CST8: variants seen among roughly 807,000 people sequenced by gnomAD.
The protein encoded by CST8 is cystatin 8.
Under a neutral mutation model 11.8 loss-of-function variants are expected in CST8, and 20 were observed. The ratio of observed to expected loss-of-function variants is 1.70; its 90% CI spans 1.20 to 2.47. CST8 has a LOEUF of 2.47. Among genes scored for constraint, CST8 ranks in the 30% most tolerant of loss-of-function variants. The pLI, the probability that CST8 is intolerant of heterozygous loss-of-function variation, is 0.00. For synonymous variants in CST8, 77 were observed against 63.1 expected, an observed-to-expected ratio of 1.22 and a Z score of -1.05; for missense variants, 196 against 167.2, an observed-to-expected ratio of 1.17 and a Z score of -0.95.
rs1600293368 is a variant in CST8, at chr20:23,491,345, A to G, written c.-144+3A>G. On this transcript the variant is annotated splice_donor_region_variant and intron_variant, in intron 1 of 3. Transcript: ENST00000246012. ...TAACAAGAGTGACGCTCACAGGGGT[A>G]GGCATAGACACACTGGGGCCGAAGG... The G allele has an allele frequency of 8.5e-6, 3 of 351,566 alleles. No individual in the cohort carries two copies. In the East Asian group the frequency reaches 1.8e-4, roughly 21 times the overall value. The allele number at this position is 351,566 out of a possible 1,614,324, so 21.8% of individuals were successfully genotyped here. A position where few individuals can be genotyped will look rare whatever the true frequency, so the allele number is the denominator to read the frequency against.
chr20:23,494,255 T>G (rs1440642081), intron 3 of CST8, among the ~76,000 whole-genome samples: 1 of 152,234 alleles, frequency 6.6e-6, no homozygotes, highest in Non-Finnish European at 1.5e-5. Context: ...TTTTAGGGAT[T>G]GTAGAAAAGT....
At chr20:23,493,707 C>T (rs1272289919) in intron 3 of CST8, among the ~76,000 whole-genome samples, 3 of 152,156 alleles carry the variant, frequency 2.0e-5, no homozygotes, top group Non-Finnish European at 2.9e-5. Flanking sequence ...TTTTTTATCT[C>T]AGAGCAGCTC....
the CST8 span, among the ~76,000 whole-genome samples, chr20:23,503,490 T>G: frequency 1.3e-5 from 2 of 152,170 alleles, no homozygotes. Context: ...TAAAGAATTA[T>G]GTCTCAACAA....
At chr20:23,491,937 G>C (rs749442857) in intron 2 of CST8, 39 bp downstream of exon 2, 3 of 1,517,848 alleles carry the variant, frequency 2.0e-6, no homozygotes, top group Admixed American at 1.7e-5. Context: ...ATTTGCATAT[G>C]GTGGCACAGT....
the CST8 span, among the ~76,000 whole-genome samples, chr20:23,502,606 T>C: frequency 1.3e-3 from 204 of 152,338 alleles, 1 homozygote; most frequent in African/African-American, 4.6e-3. Flanking sequence ...CTGTCATCTA[T>C]AACCAGGTGG....
At chr20:23,498,749 G>T (rs985323198), downstream of CST8, among the ~76,000 whole-genome samples, 3 of 152,198 alleles carry the variant, frequency 2.0e-5, no homozygotes, top group Non-Finnish European at 4.4e-5. Flanking sequence ...AAAGGAACCA[G>T]GATTGGAATG....
intron 3 of CST8, 104 bp from the exon 4 acceptor site, chr20:23,495,727 G>A (rs1053035436): frequency 1.2e-6 from 1 of 844,268 alleles, no homozygotes; most frequent in South Asian, 1.5e-5. Flanking sequence ...CCATCTGTCA[G>A]CACACACCTA....
chr20:23,500,263 A>C (rs1988150752), downstream of CST8, among the ~76,000 whole-genome samples: 1 of 152,164 alleles, frequency 6.6e-6, no homozygotes. Flanking sequence ...AACTATATCA[A>C]GATGCAAGGT....
In CST8 at chr20:23,491,757, G is replaced by A. The variant is rs1369114842; in HGVS notation, c.90G>A (p.Gly30=). The part of the protein sequence containing the change: ...ARKDPKKNET[G]VLRKLKPVNA... ...AAGACCCAAAAAAGAATGAGACAGG[G>A]GTGCTGAGGAAATTAAAACCCGTCA... Residue 30 remains glycine (G), a synonymous_variant, in exon 2 of 4, where the codon GGG becomes GGA. Transcript: ENST00000246012. The A allele has an allele frequency of 6.2e-7, 1 of 1,614,028 alleles. No homozygotes were observed. Among genetic ancestry groups the A allele is most frequent in the African/African-American group, 1.3e-5 (1 of 75,024 alleles).
At position 23,491,799 on chromosome 20, in the gene CST8, CG is replaced by C. The variant is rs1193738542; in HGVS notation, c.133del (p.Val45Ter). On this transcript the variant is annotated frameshift_variant, in exon 2 of 4. Transcript: ENST00000246012. LOFTEE classifies it high-confidence loss of function. The stretch of plus-strand genomic sequence containing the variant: ...AACCCGTCAATGCCTCAAATGCCAA[CG>C]TGAAGCAGTGTCTGTGGTTTGCCAT... ...LKPVNASNAN[V>X]KQCLWFAMQE... The C allele has an allele frequency of 6.2e-7, 1 of 1,613,996 alleles. No individual in the cohort carries two copies. Among genetic ancestry groups the C allele is most frequent in the African/African-American group, 1.3e-5 (1 of 74,902 alleles).
chr20:23,499,805 G>T (rs1167311930), downstream of CST8, among the ~76,000 whole-genome samples: 1 of 152,238 alleles, frequency 6.6e-6, no homozygotes, highest in Non-Finnish European at 1.5e-5. Flanking sequence ...TGGGGACCTT[G>T]CTGGTTGGTG....
chr20:23,495,130 C>A (rs1988003564), intron 3 of CST8, among the ~76,000 whole-genome samples: 1 of 152,140 alleles, frequency 6.6e-6, no homozygotes, highest in African/African-American at 2.4e-5. Flanking sequence ...CATATTACTG[C>A]AAAGGACATT....
the CST8 span, among the ~76,000 whole-genome samples, chr20:23,502,494 G>A: frequency 7.9e-5 from 12 of 152,134 alleles, no homozygotes; most frequent in Middle Eastern, 6.3e-3. Context: ...CGGCCCCCAC[G>A]TCTCTGGCCT....
At chr20:23,491,402 C>T in intron 1 of CST8, 60 bp downstream of exon 1, 1 of 513,164 alleles carries the variant, frequency 1.9e-6, no homozygotes, top group Non-Finnish European at 3.5e-6. Flanking sequence ...ACACAGATTG[C>T]TCTCAGGGTA....
At chr20:23,506,441 T>C in the CST8 span, among the ~76,000 whole-genome samples, 9 of 152,220 alleles carry the variant, frequency 5.9e-5, no homozygotes, top group Non-Finnish European at 1.3e-4. Context: ...AGAAGTCCCA[T>C]TCCCCATTCC....
At chr20:23,501,269 T>G in the CST8 span, among the ~76,000 whole-genome samples, 1 of 152,218 alleles carries the variant, frequency 6.6e-6, no homozygotes, top group African/African-American at 2.4e-5. Context: ...GGTTTTCTCT[T>G]TACAGAGTTG....
the CST8 span, among the ~76,000 whole-genome samples, chr20:23,506,473 G>GT: frequency 6.6e-6 from 1 of 152,034 alleles, no homozygotes; most frequent in African/African-American, 2.4e-5. Flanking sequence ...AGGATTCCAT[G>GT]GTTATAGGAT....
the CST8 span, among the ~76,000 whole-genome samples, chr20:23,502,799 G>A: frequency 3.3e-5 from 5 of 152,190 alleles, no homozygotes; most frequent in South Asian, 6.2e-4. Flanking sequence ...CTCCATTTAC[G>A]GTCTTCAGTA....
At chr20:23,501,383 A>G in the CST8 span, among the ~76,000 whole-genome samples, 19 of 152,354 alleles carry the variant, frequency 1.2e-4, no homozygotes, top group Non-Finnish European at 1.0e-4. Flanking sequence ...AGTTCCCCAC[A>G]GTCCAGGGCA....
Sources: gnomAD v4.1 joint callset for allele counts (sites outside exome capture counted in the v4.1 genomes callset) on GRCh38, gnomAD v4.1.1 for gene constraint, MANE v1.5 for transcripts, NCBI Gene and HGNC (gene_info 2026-07-23, HGNC 2026-07-21) for gene names.